Variants in BCL2 observed in about 807,000 individuals in gnomAD.
The protein encoded by BCL2 is BCL2 apoptosis regulator.
In BCL2, 1 loss-of-function variant was observed where a neutral mutation model predicts 14.2. The ratio of observed to expected loss-of-function variants is 0.07; its 90% CI spans 0.02 to 0.33. The LOEUF (loss-of-function observed/expected upper bound fraction) is 0.33, where lower values mean the gene tolerates loss of function less well. BCL2 is among the 10% of genes least tolerant of loss of function. The pLI is 0.99. For missense variants in BCL2, 247 were observed against 305.9 expected (o/e 0.81, Z 1.44); for synonymous variants, 151 against 137.2 (o/e 1.10, Z -0.70).
intron 2 of BCL2, among the ~76,000 whole-genome samples, chr18:63,186,887 A>G (rs555809317): frequency 6.6e-6 from 1 of 152,360 alleles, no homozygotes; most frequent in South Asian, 2.1e-4. Flanking sequence ...TGAAGAAAGA[A>G]TTGTCATTTG....
intron 2 of BCL2, among the ~76,000 whole-genome samples, chr18:63,282,788 T>G (rs1342480569): frequency 6.6e-6 from 1 of 152,156 alleles, no homozygotes; most frequent in African/African-American, 2.4e-5. Flanking sequence ...TAAATATATA[T>G]AGATATATAT....
intron 2 of BCL2, among the ~76,000 whole-genome samples, chr18:63,169,412 TCTCTCTC>T (rs1915169223): frequency 1.1e-5 from 1 of 88,120 alleles, no homozygotes; most frequent in African/African-American, 7.3e-5. Flanking sequence ...TTTTTCTTTC[TCTCTCTC>T]TCTCTCTCTT....
chr18:63,223,060 G>C (rs1910445282), intron 2 of BCL2, among the ~76,000 whole-genome samples: 1 of 152,228 alleles, frequency 6.6e-6, no homozygotes, highest in Non-Finnish European at 1.5e-5. Flanking sequence ...GGAACAGATA[G>C]CACCGGTGAC....
chr18:63,315,030 A>G (rs1913454126), intron 2 of BCL2: 3 of 152,204 alleles, frequency 2.0e-5, no homozygotes, highest in Admixed American at 2.0e-4. Flanking sequence ...GAAGGGGACA[A>G]TGCAGAATCC....
chr18:63,289,165 G>A (rs542382728), intron 2 of BCL2, among the ~76,000 whole-genome samples: 44 of 152,058 alleles, frequency 2.9e-4, no homozygotes, highest in African/African-American at 1.0e-3. Flanking sequence ...AAACAGCCCC[G>A]GGCCTCAACA....
At chr18:63,138,982 T>C (rs4987835) in intron 2 of BCL2, among the ~76,000 whole-genome samples, 21,395 of 152,262 alleles carry the variant, frequency 0.14, 2,014 homozygotes, top group East Asian at 0.43. Context: ...AAAGATGGCT[T>C]ATGCCATGGG....
At chr18:63,170,895 GT>G (rs933536166) in intron 2 of BCL2, among the ~76,000 whole-genome samples, 1 of 152,228 alleles carries the variant, frequency 6.6e-6, no homozygotes, top group African/African-American at 2.4e-5. Context: ...CTGATAGAGA[GT>G]TACACCAATC....
chr18:63,186,188 C>T (rs546853386), intron 2 of BCL2, among the ~76,000 whole-genome samples: 3 of 152,160 alleles, frequency 2.0e-5, no homozygotes, highest in Non-Finnish European at 4.4e-5. Context: ...TTTCTCTGTG[C>T]CTGAGCATGC....
intron 2 of BCL2, among the ~76,000 whole-genome samples, chr18:63,265,029 G>A (rs1016342229): frequency 1.3e-5 from 2 of 152,228 alleles, no homozygotes; most frequent in Non-Finnish European, 2.9e-5. Context: ...AAGGGACTGG[G>A]AGAACAGCTG....
intron 2 of BCL2, among the ~76,000 whole-genome samples, chr18:63,206,623 GAAC>G (rs1224572060): frequency 6.6e-6 from 1 of 152,242 alleles, no homozygotes; most frequent in East Asian, 1.9e-4. Flanking sequence ...TCGCCACACA[GAAC>G]AACAAGCATC....
chr18:63,193,582 ATGTGTGTGTGTG>A (rs201003163), intron 2 of BCL2, among the ~76,000 whole-genome samples: 183 of 139,424 alleles, frequency 1.3e-3, no homozygotes, highest in African/African-American at 4.7e-3. Flanking sequence ...AGTAGTATGT[ATGTGTGTGTGTG>A]TGTGTGTGTG....
intron 2 of BCL2, among the ~76,000 whole-genome samples, chr18:63,129,390 A>G (rs1052922879): frequency 1.3e-5 from 2 of 151,934 alleles, no homozygotes; most frequent in Non-Finnish European, 2.9e-5. Flanking sequence ...GTTGGACTCA[A>G]GAGTGATCCT....
At chr18:63,188,837 T>G (rs1047646263) in intron 2 of BCL2, among the ~76,000 whole-genome samples, 10 of 152,040 alleles carry the variant, frequency 6.6e-5, no homozygotes, top group African/African-American at 2.4e-4. Context: ...TAAAATAATA[T>G]TATCCATACA....
In BCL2 at chr18:63,125,454, A is replaced by G. The variant is rs886644402; in HGVS notation, c.*3171T>C. 1.4e-5 allele frequency: 3 copies of G among 221,354 alleles called. No homozygotes were observed. The highest frequency in any genetic ancestry group is 6.7e-5 in the African/African-American group (3 of 44,694). The allele number at this position is 221,354 out of a possible 1,614,324, so 13.7% of individuals were successfully genotyped here. On this transcript the variant is annotated 3_prime_UTR_variant, in exon 3 of 3. Coordinates refer to ENST00000333681, the MANE Select transcript of BCL2 (RefSeq NM_000633.3). Reference sequence around the variant, plus strand: ...GACTGGGAGGGCCGAGGAGGTTCTCAGATGTTCTTCTCCTTTTGGGGCTTT... The same window carrying G: ...GACTGGGAGGGCCGAGGAGGTTCTCGGATGTTCTTCTCCTTTTGGGGCTTT...
intron 2 of BCL2, among the ~76,000 whole-genome samples, chr18:63,229,649 G>T (rs757758109): frequency 2.0e-5 from 3 of 152,210 alleles, no homozygotes; most frequent in Non-Finnish European, 4.4e-5. Flanking sequence ...TCTGCTACGA[G>T]TAAAAGCTCC....
intron 2 of BCL2, chr18:63,317,423 C>G (rs1167561675): frequency 3.7e-6 from 2 of 542,008 alleles, no homozygotes; most frequent in Non-Finnish European, 4.7e-6. Context: ...CACCTCATCA[C>G]GCCCACTGGG....
chr18:63,281,872 G>A (rs79317590), intron 2 of BCL2, among the ~76,000 whole-genome samples: 2,202 of 152,240 alleles, frequency 0.014, 54 homozygotes, highest in African/African-American at 0.05. Context: ...GTCCACCTTA[G>A]GCTGACGGTT....
intron 2 of BCL2, among the ~76,000 whole-genome samples, chr18:63,205,600 A>G (rs1703709659): frequency 6.6e-6 from 1 of 152,222 alleles, no homozygotes; most frequent in Admixed American, 6.5e-5. Context: ...GGGAGAGTAT[A>G]TACAAAAGCT....
In BCL2 at chr18:63,318,943, C is replaced by T; in HGVS notation, c.-277G>A. ...AGTATTGTTAATATCAGTCTACTTC[C>T]TCTGTGATGCTGAAAGGTTAAAGAA... On this transcript the variant is annotated 5_prime_UTR_variant, in exon 2 of 3. Coordinates refer to ENST00000333681, the MANE Select transcript of BCL2 (RefSeq NM_000633.3). This position sits in a 1 kb window ranked among gnomAD's most constrained non-coding sequence, Gnocchi z 7.4. The T allele has an allele frequency of 7.5e-7, 1 of 1,331,426 alleles. No homozygotes were observed. Among genetic ancestry groups the T allele is most frequent in the Middle Eastern group, 2.9e-4 (1 of 3,470 alleles). 82.5% of individuals were successfully genotyped at this position (1,331,426 alleles called of 1,614,324 possible). A position where few individuals can be genotyped will look rare whatever the true frequency, so the allele number is the denominator to read the frequency against.
Sources: allele counts gnomAD v4.1 joint callset (sites outside exome capture counted in the v4.1 genomes callset), GRCh38; gene constraint gnomAD v4.1.1; non-coding constraint Gnocchi (gnomAD v3.1); transcripts MANE v1.5; gene names NCBI Gene and HGNC (gene_info 2026-07-23, HGNC 2026-07-21).